LAMA2: variants seen among roughly 807,000 people sequenced by gnomAD.
LAMA2 encodes laminin subunit alpha-2.
Under a neutral mutation model 364.8 loss-of-function variants are expected in LAMA2, and 269 were observed. That is an observed-to-expected ratio of 0.74 (90% CI 0.67 to 0.82). LAMA2 has a LOEUF of 0.82. Among genes scored for constraint, LAMA2 ranks in the 40% least tolerant of loss-of-function variants. LAMA2 has a pLI of 0.00. For missense variants in LAMA2, 3,807 were observed against 3,873.2 expected (o/e 0.98, Z 0.45); for synonymous variants, 1,379 against 1,370.6 (o/e 1.01, Z -0.14).
intron 30 of LAMA2, among the ~76,000 whole-genome samples, chr6:129,348,027 AGTGT>A (rs201492379): frequency 6.6e-6 from 1 of 151,786 alleles, no homozygotes; most frequent in Non-Finnish European, 1.5e-5. Context: ...TATGTATAAG[AGTGT>A]GTGTGTGTGT....
intron 32 of LAMA2, 22 bp from the exon 33 acceptor site, chr6:129,366,197 C>A (rs778973900): frequency 6.2e-7 from 1 of 1,612,760 alleles, no homozygotes; most frequent in Non-Finnish European, 8.5e-7. Flanking sequence ...AGTAACTACT[C>A]TTTGTCACTT....
intron 16 of LAMA2, among the ~76,000 whole-genome samples, 164 bp from the exon 17 acceptor site, chr6:129,270,455 TATTAA>T (rs1242319402): frequency 2.0e-4 from 31 of 152,150 alleles, no homozygotes; most frequent in African/African-American, 6.5e-4. Flanking sequence ...ATAAGCTAGA[TATTAA>T]ATTAACTTTC....
chr6:128,921,259 T>G (rs1778694982), intron 1 of LAMA2, among the ~76,000 whole-genome samples: 1 of 152,234 alleles, frequency 6.6e-6, no homozygotes, highest in Non-Finnish European at 1.5e-5. Flanking sequence ...AAGGGTTGTT[T>G]AAATCCATTT....
At chr6:129,505,094 T>C (rs1583918935) in intron 60 of LAMA2, 106 bp from the exon 61 acceptor site, 1 of 979,264 alleles carries the variant, frequency 1.0e-6, no homozygotes, top group East Asian at 2.4e-5. Context: ...ACTGTGTACA[T>C]TGTTTCAATT....
At chr6:129,080,405 G>A (rs547241182) in intron 3 of LAMA2, among the ~76,000 whole-genome samples, 1 of 152,220 alleles carries the variant, frequency 6.6e-6, no homozygotes, top group East Asian at 1.9e-4. Flanking sequence ...TACTACAGAG[G>A]AGTCTTAGAA....
chr6:128,899,748 G>T (rs117742595), intron 1 of LAMA2, among the ~76,000 whole-genome samples: 11,162 of 151,966 alleles, frequency 0.073, 571 homozygotes, highest in East Asian at 0.17. Flanking sequence ...AGAAAGTGAG[G>T]CTACCTTAAA....
chr6:129,008,726 T>C (rs2114690368), intron 1 of LAMA2, among the ~76,000 whole-genome samples: 1 of 152,326 alleles, frequency 6.6e-6, no homozygotes, highest in East Asian at 1.9e-4. Context: ...CTCTACCTCT[T>C]TAAATATTCC....
chr6:129,138,357 TAAC>T (rs1189869952), intron 4 of LAMA2, among the ~76,000 whole-genome samples: 1 of 151,698 alleles, frequency 6.6e-6, no homozygotes, highest in African/African-American at 2.4e-5. Context: ...TTGGAGAAAA[TAAC>T]AAAATATGAA....
intron 20 of LAMA2, among the ~76,000 whole-genome samples, chr6:129,293,619 T>C (rs1789874218): frequency 6.6e-6 from 1 of 152,072 alleles, no homozygotes; most frequent in Non-Finnish European, 1.5e-5. Flanking sequence ...TACAAAAGTG[T>C]GGTTCTCATA....
intron 1 of LAMA2, among the ~76,000 whole-genome samples, chr6:129,021,014 T>G (rs1562158700): frequency 1.3e-5 from 2 of 152,236 alleles, no homozygotes; most frequent in African/African-American, 4.8e-5. Context: ...ATAATCACAT[T>G]TTATGAATAA....
At chr6:128,985,013 A>G (rs771050796) in intron 1 of LAMA2, among the ~76,000 whole-genome samples, 3 of 152,194 alleles carry the variant, frequency 2.0e-5, no homozygotes, top group Non-Finnish European at 4.4e-5. Flanking sequence ...TATTATACAA[A>G]GACTGTATCA....
chr6:129,325,531 C>G (rs937251844), intron 28 of LAMA2, among the ~76,000 whole-genome samples: 6 of 148,618 alleles, frequency 4.0e-5, no homozygotes, highest in East Asian at 2.3e-4. Flanking sequence ...GAGAGAATTT[C>G]TGTTTTTTTT....
At chr6:129,189,188 T>A (rs940076833) in intron 10 of LAMA2, among the ~76,000 whole-genome samples, 16 of 152,114 alleles carry the variant, frequency 1.1e-4, no homozygotes, top group African/African-American at 3.1e-4. Context: ...GGGTAATGTA[T>A]ACAGGGCCAC....
intron 1 of LAMA2, among the ~76,000 whole-genome samples, chr6:129,011,958 GA>G (rs1250317841): frequency 6.6e-6 from 1 of 152,050 alleles, no homozygotes; most frequent in Non-Finnish European, 1.5e-5. Context: ...GTTAAATAAA[GA>G]AAATGTATTA....
intron 17 of LAMA2, among the ~76,000 whole-genome samples, chr6:129,279,339 GT>G (rs1788546131): frequency 6.6e-6 from 1 of 152,198 alleles, no homozygotes; most frequent in Non-Finnish European, 1.5e-5. Context: ...TAGCACCTGA[GT>G]TCTCTGTTGG....
intron 46 of LAMA2, 84 bp from the exon 47 acceptor site, chr6:129,454,071 G>A (rs570926129): frequency 1.8e-5 from 19 of 1,083,232 alleles, no homozygotes; most frequent in South Asian, 5.1e-5. Flanking sequence ...TGCAAATGGC[G>A]CTTATTGAAA....
At chr6:129,006,776 A>T (rs920773700) in intron 1 of LAMA2, among the ~76,000 whole-genome samples, 5 of 152,078 alleles carry the variant, frequency 3.3e-5, no homozygotes, top group Non-Finnish European at 7.4e-5. Flanking sequence ...TCCCCTTTGT[A>T]ATCAGATCTC....
chr6:129,082,565 GTATAT>G (rs1365347488), intron 3 of LAMA2, among the ~76,000 whole-genome samples: 2 of 152,050 alleles, frequency 1.3e-5, no homozygotes, highest in African/African-American at 2.4e-5. Flanking sequence ...TGCACATAAA[GTATAT>G]TATATTCTGA....
chr6:129,314,053 G>T (rs1562448306), intron 23 of LAMA2, among the ~76,000 whole-genome samples: 1 of 152,124 alleles, frequency 6.6e-6, no homozygotes, highest in East Asian at 1.9e-4. Context: ...ATTTTCATGA[G>T]TCTTTCATAT....
Sources: gnomAD v4.1 joint callset for allele counts (sites outside exome capture counted in the v4.1 genomes callset) on GRCh38, gnomAD v4.1.1 for gene constraint, MANE v1.5 for transcripts, NCBI Gene and HGNC (gene_info 2026-07-23, HGNC 2026-07-21) for gene names.